The following RARB variants were observed in gnomAD, a reference collection of about 807,000 sequenced individuals.
The protein encoded by RARB is retinoic acid receptor beta, also known as HBV-activated protein.
Under a neutral mutation model 51.9 loss-of-function variants are expected in RARB, and 17 were observed. That is an observed-to-expected ratio of 0.33 (90% CI 0.22 to 0.49). RARB has a LOEUF of 0.49. Among genes scored for constraint, RARB ranks in the 20% least tolerant of loss-of-function variants. The probability of loss-of-function intolerance (pLI) is 0.99; values close to 1 mark genes in which losing one functional copy is unlikely to be tolerated. For synonymous variants in RARB, 215 were observed against 195.4 expected, an observed-to-expected ratio of 1.10 and a Z score of -0.84; for missense variants, 369 against 550.8, an observed-to-expected ratio of 0.67 and a Z score of 3.30.
At chr3:25,323,330 A>T (rs1704625084) in intron 5 of RARB, among the ~76,000 whole-genome samples, 1 of 152,228 alleles carries the variant, frequency 6.6e-6, no homozygotes, top group Non-Finnish European at 1.5e-5. Flanking sequence ...ATGTGGGATA[A>T]GAGCAATTGC....
intron 5 of RARB, among the ~76,000 whole-genome samples, chr3:25,321,870 A>T (rs1041691503): frequency 5.4e-5 from 5 of 92,270 alleles, no homozygotes; most frequent in East Asian, 2.4e-4. Flanking sequence ...TCTAAAATTT[A>T]AAAAAAAAAA....
At chr3:25,113,701 G>T (rs2125326235) in intron 3 of RARB, among the ~76,000 whole-genome samples, 1 of 152,226 alleles carries the variant, frequency 6.6e-6, no homozygotes, top group South Asian at 2.1e-4. Flanking sequence ...CTGACCTCCT[G>T]CTGGGATATA....
chr3:25,211,838 A>G (rs1037677009), intron 5 of RARB, among the ~76,000 whole-genome samples: 6 of 152,200 alleles, frequency 3.9e-5, no homozygotes, highest in Admixed American at 6.5e-5. Context: ...ATGATCCATA[A>G]TTTGCAGACT....
At chr3:25,229,343 T>A (rs898877026) in intron 5 of RARB, among the ~76,000 whole-genome samples, 3 of 152,146 alleles carry the variant, frequency 2.0e-5, no homozygotes, top group African/African-American at 7.2e-5. Context: ...ATGAATTTCT[T>A]TCTGAAGGTA....
intron 5 of RARB, among the ~76,000 whole-genome samples, chr3:25,245,679 G>C (rs1201828613): frequency 6.6e-6 from 1 of 152,206 alleles, no homozygotes; most frequent in Admixed American, 6.5e-5. Flanking sequence ...TCTGCTGTTA[G>C]TCTGATAGGC....
At chr3:25,044,035 T>C (rs540949273) in intron 2 of RARB, among the ~76,000 whole-genome samples, 162 of 152,038 alleles carry the variant, frequency 1.1e-3, no homozygotes, top group Non-Finnish European at 2.1e-3. Flanking sequence ...CATTTTTTTT[T>C]TAATTAGAGT....
chr3:25,269,305 ATTATTC>A (rs150240595), intron 5 of RARB, among the ~76,000 whole-genome samples: 1 of 152,276 alleles, frequency 6.6e-6, no homozygotes, highest in African/African-American at 2.4e-5. Context: ...CCTATTATTT[ATTATTC>A]TTTAACGTAT....
chr3:25,505,456 A>G (rs1047957738), intron 3 of RARB, among the ~76,000 whole-genome samples: 3 of 152,202 alleles, frequency 2.0e-5, no homozygotes, highest in East Asian at 1.9e-4. Flanking sequence ...ATTTTTATAG[A>G]TCAAATTTGA....
At chr3:24,938,784 T>G (rs1695596958) in intron 2 of RARB, among the ~76,000 whole-genome samples, 1 of 152,192 alleles carries the variant, frequency 6.6e-6, no homozygotes, top group Non-Finnish European at 1.5e-5. Flanking sequence ...AATTTGCCTA[T>G]TCTAAGTACC....
chr3:25,326,657 G>A (rs1250213312), intron 5 of RARB, among the ~76,000 whole-genome samples: 3 of 152,108 alleles, frequency 2.0e-5, no homozygotes, highest in African/African-American at 4.8e-5. Flanking sequence ...CATCTCCCTA[G>A]TGGATCTGTT....
intron 3 of RARB, among the ~76,000 whole-genome samples, chr3:25,562,437 G>C (rs765758254): frequency 6.6e-6 from 1 of 152,080 alleles, no homozygotes; most frequent in African/African-American, 2.4e-5. Flanking sequence ...TCACAAACAC[G>C]AAGCCACAGA....
At chr3:25,424,781 C>T (rs941434865), upstream of RARB, among the ~76,000 whole-genome samples, 16 of 152,288 alleles carry the variant, frequency 1.1e-4, no homozygotes, top group African/African-American at 2.4e-4. Flanking sequence ...TGCACAGACA[C>T]GACTGCTCTT....
chr3:25,559,382 G>C (rs1344522385), intron 3 of RARB, among the ~76,000 whole-genome samples: 1 of 152,160 alleles, frequency 6.6e-6, no homozygotes, highest in African/African-American at 2.4e-5. Context: ...TAAACTATCA[G>C]CTTCCTCATC....
chr3:24,987,859 G>A (rs11928741), intron 2 of RARB, among the ~76,000 whole-genome samples: 131,987 of 152,130 alleles, frequency 0.87, 57,336 homozygotes, highest in South Asian at 0.93. Flanking sequence ...ATGTATGCAC[G>A]CACAATTACA....
intron 5 of RARB, among the ~76,000 whole-genome samples, chr3:25,280,181 T>G (rs777667844): frequency 6.6e-5 from 10 of 152,178 alleles, no homozygotes; most frequent in Non-Finnish European, 1.5e-4. Flanking sequence ...GAAATATGAT[T>G]GGAGGACAAG....
At chr3:25,586,356 T>C (rs1199544806) in intron 5 of RARB, among the ~76,000 whole-genome samples, 1 of 152,126 alleles carries the variant, frequency 6.6e-6, no homozygotes, top group East Asian at 1.9e-4. Flanking sequence ...TCCCCCAGTC[T>C]GTTGTCTCAG....
intron 3 of RARB, among the ~76,000 whole-genome samples, chr3:25,554,810 T>C (rs1205068981): frequency 2.0e-5 from 3 of 152,200 alleles, no homozygotes; most frequent in Non-Finnish European, 2.9e-5. Flanking sequence ...TTTTTGCTGA[T>C]AGGGAATCTC....
intron 5 of RARB, among the ~76,000 whole-genome samples, chr3:25,280,936 G>T (rs1221105462): frequency 6.6e-6 from 1 of 152,064 alleles, no homozygotes; most frequent in African/African-American, 2.4e-5. Flanking sequence ...GCAGGAACAA[G>T]CAGGGTCACA....
At chr3:25,549,471 A>T (rs1410839209) in intron 3 of RARB, among the ~76,000 whole-genome samples, 4 of 152,196 alleles carry the variant, frequency 2.6e-5, no homozygotes, top group Admixed American at 2.6e-4. Context: ...GGGAAGGATC[A>T]AGCTGAGGAT....
Sources: allele counts gnomAD v4.1 joint callset (sites outside exome capture counted in the v4.1 genomes callset), GRCh38; gene constraint gnomAD v4.1.1; transcripts MANE v1.5; gene names NCBI Gene and HGNC (gene_info 2026-07-23, HGNC 2026-07-21).